Variants in PASD1 observed in about 807,000 individuals in gnomAD.
PASD1 encodes the protein circadian clock protein PASD1.
A neutral mutation model predicts 58.8 loss-of-function variants in PASD1; 13 were observed. That is an observed-to-expected ratio of 0.22 (90% CI 0.14 to 0.35). The LOEUF (loss-of-function observed/expected upper bound fraction) is 0.35, where lower values mean the gene tolerates loss of function less well. PASD1 is among the 10% of genes least tolerant of loss of function. The pLI, the probability that PASD1 is intolerant of heterozygous loss-of-function variation, is 1.00. For synonymous variants in PASD1, 236 were observed against 216.7 expected (o/e 1.09, Z -0.78); for missense variants, 734 against 568.3 (o/e 1.29, Z -2.96).
chrX:151,601,306 C>G (rs28463397), intron 1 of PASD1, among the ~76,000 whole-genome samples: 25,653 of 110,727 alleles, frequency 0.23, 2,788 homozygotes, highest in Non-Finnish European at 0.34. Context: ...ATGTTATTAT[C>G]AAAAATATTC....
intron 7 of PASD1, among the ~76,000 whole-genome samples, chrX:151,624,377 G>A (rs979529960): frequency 1.8e-5 from 2 of 111,201 alleles, no homozygotes; most frequent in East Asian, 2.8e-4. Flanking sequence ...CACTGTTCGG[G>A]CCATGTTAAT....
intron 6 of PASD1, among the ~76,000 whole-genome samples, chrX:151,621,981 A>T (rs751551055): frequency 9.1e-6 from 1 of 110,044 alleles, no homozygotes; most frequent in East Asian, 2.9e-4. Flanking sequence ...TAAGTCATGC[A>T]TAGGCTCCAT....
intron 7 of PASD1, 47 bp downstream of exon 7, chrX:151,623,111 T>C: frequency 8.4e-7 from 1 of 1,187,831 alleles, no homozygotes; most frequent in Non-Finnish European, 1.1e-6. Flanking sequence ...GATGTGGGCT[T>C]CCTTTGAAGG....
At position 151,671,241 on chromosome X, in the gene PASD1, T is replaced by G. The variant is rs1180398677; in HGVS notation, c.1230+45T>G. On this transcript the variant is annotated intron_variant, in intron 12 of 15. Coordinates refer to ENST00000370357, the MANE Select transcript of PASD1 (RefSeq NM_173493.3). The stretch of plus-strand genomic sequence containing the variant: ...TTCAGGTCAGAGACCAGTTCTATAT[T>G]AGTAGCAGAAGGAAGAGGAGAGAGG... 5 of 1,181,199 alleles carry G rather than the reference T, an allele frequency of 4.2e-6. No individual in the cohort carries two copies. In the African/African-American group the frequency reaches 8.8e-5, roughly 21 times the overall value.
intron 1 of PASD1, among the ~76,000 whole-genome samples, chrX:151,582,504 A>T (rs1183363104): frequency 9.0e-6 from 1 of 110,646 alleles, no homozygotes; most frequent in East Asian, 2.8e-4. Flanking sequence ...GTCATGGTCC[A>T]CTCAGATATG....
intron 8 of PASD1, among the ~76,000 whole-genome samples, chrX:151,632,503 GGATCGT>G (rs1431890364): frequency 1.8e-5 from 2 of 111,533 alleles, no homozygotes; most frequent in South Asian, 3.8e-4. Flanking sequence ...GAAGGACCCA[GGATCGT>G]GTCAGCTCGA....
At chrX:151,633,380 T>G (rs769953084) in intron 8 of PASD1, among the ~76,000 whole-genome samples, 2 of 111,563 alleles carry the variant, frequency 1.8e-5, no homozygotes, top group Non-Finnish European at 3.8e-5. Context: ...AGTTGGGGCT[T>G]TTCAGGCTTA....
At position 151,646,865 on chromosome X, in the gene PASD1, A is replaced by G. The variant is rs761533209; in HGVS notation, c.630-1750A>G. 6.2e-5 allele frequency among the ~76,000 whole-genome samples: 7 copies of G among 112,940 alleles called. No homozygotes were observed. In the East Asian group the frequency reaches 1.9e-3, roughly 31 times the overall value. On this transcript the variant is annotated intron_variant, in intron 8 of 15. Coordinates refer to ENST00000370357, the MANE Select transcript of PASD1 (RefSeq NM_173493.3). ...CTCCATTGTGTGAAGTGCCTGGGAT[A>G]CAAGAAGTTTAAAGCATGTTCATTG...
intron 8 of PASD1, among the ~76,000 whole-genome samples, chrX:151,635,616 A>G (rs1324436876): frequency 2.7e-5 from 3 of 112,407 alleles, no homozygotes; most frequent in Non-Finnish European, 3.8e-5. Context: ...AAATGCACAG[A>G]AAGTAGTTTC....
chrX:151,630,424 G>A (rs1053375827), intron 8 of PASD1, among the ~76,000 whole-genome samples: 3 of 112,006 alleles, frequency 2.7e-5, no homozygotes, highest in Admixed American at 1.9e-4. Flanking sequence ...TATCAAAATG[G>A]TAATACATTC....
intron 1 of PASD1, among the ~76,000 whole-genome samples, chrX:151,585,443 G>C (rs758906455): frequency 1.8e-5 from 2 of 112,068 alleles, no homozygotes; most frequent in South Asian, 7.5e-4. Flanking sequence ...TGGAAGGACA[G>C]ATCAAGTCAG....
intron 15 of PASD1, among the ~76,000 whole-genome samples, chrX:151,675,062 AG>A (rs998146784): frequency 8.9e-6 from 1 of 111,782 alleles, no homozygotes; most frequent in African/African-American, 3.3e-5. Flanking sequence ...TTACCAAGCC[AG>A]ACTTTGTTGA....
At chrX:151,626,184 A>G (rs1015992610) in intron 8 of PASD1, among the ~76,000 whole-genome samples, 1 of 112,066 alleles carries the variant, frequency 8.9e-6, no homozygotes, top group African/African-American at 3.2e-5. Context: ...TTTTTCTTGA[A>G]AAGAAAGGTA....
At chrX:151,571,560 T>C (rs2012928413) in intron 1 of PASD1, among the ~76,000 whole-genome samples, 1 of 111,731 alleles carries the variant, frequency 9.0e-6, no homozygotes, top group Non-Finnish European at 1.9e-5. Flanking sequence ...TATAGAGTCA[T>C]GGATTCCCCA....
chrX:151,665,110 G>C, intron 11 of PASD1, among the ~76,000 whole-genome samples: 1 of 112,018 alleles, frequency 8.9e-6, no homozygotes. Context: ...ATAATTAAGG[G>C]CTAGAACACA....
Position 151,661,519 on chromosome X carries a change from C to T in PASD1, c.841+1683C>T, listed in dbSNP as rs148900070. On this transcript the variant is annotated intron_variant, in intron 10 of 15. Transcript: ENST00000370357. ...AAAATAGAAAAATAAGGGAAAGATA[C>T]CATTTAGGATAACCTTCATTTAGCT... Among the ~76,000 whole-genome samples the T allele has an allele frequency of 4.9e-3, 546 of 112,133 alleles. 3 individuals carry two copies. The highest frequency in any genetic ancestry group is 0.016 in the African/African-American group (508 of 30,917).
chrX:151,604,657 C>T lies in PASD1; in HGVS notation c.40C>T (p.Pro14Ser). 1 of 1,202,610 alleles carries T rather than the reference C, an allele frequency of 8.3e-7. No individual in the cohort carries two copies. The highest frequency in any genetic ancestry group is 1.7e-5 in the African/African-American group (1 of 57,706). The change falls in exon 3 of 16, where the codon CCA (proline) becomes TCA (serine). Residue 14 changes from proline (P) to serine (S), a missense_variant. Transcript: ENST00000370357. ...CTTTTTCTAAAAAGACAAAGTCAATCCAAAAAGCTCTCAAAGGAAATTAAA... is the reference window on the plus strand; with the variant it reads ...CTTTTTCTAAAAAGACAAAGTCAATTCAAAAAGCTCTCAAAGGAAATTAAA... Reference protein sequence around the residue: ...RGEKRRDKVNPKSSQRKLNWI... With the variant: ...RGEKRRDKVNSKSSQRKLNWI...
chrX:151,642,314 T>G (rs1339771221), intron 8 of PASD1, among the ~76,000 whole-genome samples: 2 of 111,889 alleles, frequency 1.8e-5, no homozygotes, highest in Admixed American at 1.9e-4. Context: ...AAAAACAGGC[T>G]GCTGCTGATT....
At chrX:151,582,636 ATTC>A (rs1045774664) in intron 1 of PASD1, among the ~76,000 whole-genome samples, 2 of 111,487 alleles carry the variant, frequency 1.8e-5, no homozygotes, top group Non-Finnish European at 3.8e-5. Flanking sequence ...GCACTTCAAG[ATTC>A]TTACCTCCTC....
Sources: gnomAD v4.1 joint callset for allele counts (sites outside exome capture counted in the v4.1 genomes callset) on GRCh38, gnomAD v4.1.1 for gene constraint, MANE v1.5 for transcripts, NCBI Gene and HGNC (gene_info 2026-07-23, HGNC 2026-07-21) for gene names.